The following APLF variants were observed in gnomAD, a reference collection of about 807,000 sequenced individuals.
APLF encodes aprataxin and PNK-like factor.
A neutral mutation model predicts 55.6 loss-of-function variants in APLF; 61 were observed. The observed-to-expected ratio is 1.10, with a 90% confidence interval of 0.89 to 1.36. The LOEUF (loss-of-function observed/expected upper bound fraction) is 1.36. APLF is among the 40% of genes most tolerant of loss of function. APLF has a pLI of 0.00. For missense variants in APLF, 611 were observed against 602.5 expected, an observed-to-expected ratio of 1.01 and a Z score of -0.15; for synonymous variants, 207 against 214.8, an observed-to-expected ratio of 0.96 and a Z score of 0.32.
Position 68,529,756 on chromosome 2 carries a change from G to C in APLF, c.804+3514G>C, listed in dbSNP as rs2103990639. 1 of 153,476 alleles carries C rather than the reference G, an allele frequency of 6.5e-6. No homozygotes were observed. The highest frequency in any genetic ancestry group is 2.1e-4 in the South Asian group (1 of 4,856). 9.5% of individuals were successfully genotyped at this position (153,476 alleles called of 1,614,324 possible). A position where few individuals can be genotyped will look rare whatever the true frequency, so the allele number is the denominator to read the frequency against. On this transcript the variant is annotated intron_variant, in intron 6 of 9. Coordinates refer to ENST00000303795, the MANE Select transcript of APLF (RefSeq NM_173545.3). This position sits in a 1 kb window ranked among gnomAD's most constrained non-coding sequence, Gnocchi z 4.4. Reference sequence around the variant, plus strand: ...GTGTGGCCCTGGATGGGCCCCCCGTGGGGCTGTTGGGGGTGTGGGGCTGAT... The same window carrying C: ...GTGTGGCCCTGGATGGGCCCCCCGTCGGGCTGTTGGGGGTGTGGGGCTGAT...
chr2:68,558,364 T>C (rs893864317), intron 8 of APLF, among the ~76,000 whole-genome samples: 10 of 152,162 alleles, frequency 6.6e-5, no homozygotes, highest in Admixed American at 5.2e-4. Context: ...TTTATGCTGG[T>C]TTACTTGTTT....
intron 1 of APLF, among the ~76,000 whole-genome samples, chr2:68,478,444 C>G (rs1401790259): frequency 6.6e-6 from 1 of 152,084 alleles, no homozygotes; most frequent in Non-Finnish European, 1.5e-5. Flanking sequence ...TACCTATAGA[C>G]TCTAATATGA....
chr2:68,518,421 ATAAT>A (rs1210568109), intron 5 of APLF, among the ~76,000 whole-genome samples: 2 of 112,236 alleles, frequency 1.8e-5, no homozygotes, highest in Admixed American at 1.1e-4. Flanking sequence ...ATATTATATA[ATAAT>A]TTATTATATA....
intron 7 of APLF, among the ~76,000 whole-genome samples, chr2:68,544,308 T>C (rs1451667650): frequency 6.6e-6 from 1 of 152,086 alleles, no homozygotes; most frequent in Non-Finnish European, 1.5e-5. Context: ...ATATTGTGAC[T>C]TTTTGTGAAT....
intron 7 of APLF, among the ~76,000 whole-genome samples, chr2:68,543,097 G>A (rs1670601881): frequency 6.6e-6 from 1 of 152,102 alleles, no homozygotes; most frequent in African/African-American, 2.4e-5. Context: ...AGAGTAGTTA[G>A]ATTCATAAAA....
At position 68,518,026 on chromosome 2, in the gene APLF, TATA is replaced by T. The variant is rs1235366546; in HGVS notation, c.622+4353_622+4355del. Among the ~76,000 whole-genome samples the T allele has an allele frequency of 4.5e-4, 62 of 138,486 alleles. 1 individual carries two copies. The highest frequency in any genetic ancestry group is 7.3e-4 in the African/African-American group (28 of 38,268). 90.9% of individuals were successfully genotyped at this position (138,486 alleles called of 152,430 possible). A position where few individuals can be genotyped will look rare whatever the true frequency, so the allele number is the denominator to read the frequency against. On this transcript the variant is annotated intron_variant, in intron 5 of 9. Coordinates refer to ENST00000303795, the MANE Select transcript of APLF (RefSeq NM_173545.3). ...ATATAACAGTAATATATCACTAATATATAATAATATATAACAGTAATATATCAT... is the reference window on the plus strand; with the variant it reads ...ATATAACAGTAATATATCACTAATATATAATATATAACAGTAATATATCAT...
intron 5 of APLF, among the ~76,000 whole-genome samples, chr2:68,519,414 C>T (rs1460022698): frequency 1.3e-5 from 2 of 148,852 alleles, no homozygotes; most frequent in African/African-American, 4.9e-5. Flanking sequence ...ACATGTTGAA[C>T]TATTATAAGC....
chr2:68,519,059 T>TAATA (rs1558540245), intron 5 of APLF, among the ~76,000 whole-genome samples: 10 of 126,850 alleles, frequency 7.9e-5, no homozygotes, highest in Non-Finnish European at 1.1e-4. Flanking sequence ...TAATATATAA[T>TAATA]TAATATATAA....
chr2:68,521,967 A>G (rs1484691219), intron 5 of APLF, among the ~76,000 whole-genome samples: 2 of 151,908 alleles, frequency 1.3e-5, no homozygotes, highest in Non-Finnish European at 2.9e-5. Context: ...AACTTTGCCA[A>G]GTTATTTAAT....
intron 8 of APLF, among the ~76,000 whole-genome samples, chr2:68,552,029 T>C (rs1670882283): frequency 6.6e-6 from 1 of 152,124 alleles, no homozygotes; most frequent in Admixed American, 6.6e-5. Flanking sequence ...TTCCCGACTT[T>C]TATGTGAGAG....
At chr2:68,472,498 A>G (rs1675650916) in intron 1 of APLF, among the ~76,000 whole-genome samples, 1 of 152,134 alleles carries the variant, frequency 6.6e-6, no homozygotes, top group Admixed American at 6.5e-5. Flanking sequence ...CTTAGAAAGG[A>G]ATTTGGGCAA....
intron 3 of APLF, among the ~76,000 whole-genome samples, chr2:68,508,662 T>A (rs1374617479): frequency 6.6e-6 from 1 of 152,004 alleles, no homozygotes; most frequent in African/African-American, 2.4e-5. Flanking sequence ...AGTGAAAAGA[T>A]TTAGTGCCAT....
At chr2:68,498,428 A>T (rs1676624300) in intron 2 of APLF, among the ~76,000 whole-genome samples, 1 of 152,232 alleles carries the variant, frequency 6.6e-6, no homozygotes, top group African/African-American at 2.4e-5. Flanking sequence ...CCAAATAAAA[A>T]AATAGCTTTG....
At chr2:68,539,545 A>G (rs1358606152) in intron 7 of APLF, among the ~76,000 whole-genome samples, 1 of 152,126 alleles carries the variant, frequency 6.6e-6, no homozygotes, top group Non-Finnish European at 1.5e-5. Flanking sequence ...TCATCTTTTT[A>G]AAGCCCCTAT....
intron 2 of APLF, among the ~76,000 whole-genome samples, chr2:68,493,108 G>A (rs921183313): frequency 3.9e-5 from 6 of 152,092 alleles, no homozygotes; most frequent in African/African-American, 1.4e-4. Context: ...GGCATTGGGT[G>A]TCTTTTCTTT....
At chr2:68,539,791 C>G (rs1363438000) in intron 7 of APLF, among the ~76,000 whole-genome samples, 1 of 152,140 alleles carries the variant, frequency 6.6e-6, no homozygotes, top group Non-Finnish European at 1.5e-5. Flanking sequence ...CAGCTAACTT[C>G]ATACTTAATG....
At chr2:68,518,377 T>C (rs1479058347) in intron 5 of APLF, among the ~76,000 whole-genome samples, 23 of 105,256 alleles carry the variant, frequency 2.2e-4, no homozygotes, top group Non-Finnish European at 3.5e-4. Context: ...AATATATGAC[T>C]GTATTATATT....
chr2:68,513,885 A>C (rs1180293020), intron 5 of APLF, among the ~76,000 whole-genome samples: 2 of 151,504 alleles, frequency 1.3e-5, no homozygotes, highest in African/African-American at 4.9e-5. Context: ...ATACCACCCT[A>C]ATTTTTTTTC....
chr2:68,491,314 C>T (rs2103909181), intron 2 of APLF, among the ~76,000 whole-genome samples: 1 of 152,296 alleles, frequency 6.6e-6, no homozygotes, highest in East Asian at 1.9e-4. Flanking sequence ...TCTGAGATGA[C>T]ATACTGGATC....
Sources: gnomAD v4.1 joint callset for allele counts (sites outside exome capture counted in the v4.1 genomes callset) on GRCh38, gnomAD v4.1.1 for gene constraint, Gnocchi (gnomAD v3.1) non-coding constraint, MANE v1.5 for transcripts, NCBI Gene and HGNC (gene_info 2026-07-23, HGNC 2026-07-21) for gene names.